SNX30: variants seen among roughly 807,000 people sequenced by gnomAD.
The protein encoded by SNX30 is sorting nexin family member 30.
Under a neutral mutation model 46.4 loss-of-function variants are expected in SNX30, and 24 were observed. The ratio of observed to expected loss-of-function variants is 0.52; its 90% CI spans 0.37 to 0.73. The LOEUF is 0.73. Among genes scored for constraint, SNX30 ranks in the 30% least tolerant of loss-of-function variants. The pLI is 0.00. For missense variants in SNX30, 533 were observed against 555.7 expected (o/e 0.96, Z 0.41); for synonymous variants, 189 against 211.5 (o/e 0.89, Z 0.92).
At chr9:112,784,802 C>T (rs1004095574) in intron 1 of SNX30, among the ~76,000 whole-genome samples, 1 of 152,218 alleles carries the variant, frequency 6.6e-6, no homozygotes, top group African/African-American at 2.4e-5. Flanking sequence ...TCAAACCTCC[C>T]TCTCTGAAGC....
intron 7 of SNX30, among the ~76,000 whole-genome samples, chr9:112,860,876 T>C (rs1841215706): frequency 1.3e-5 from 2 of 152,234 alleles, no homozygotes; most frequent in Admixed American, 1.3e-4. Context: ...TGATATGAGC[T>C]AACAAATGTT....
At chr9:112,812,637 A>G (rs770966325) in intron 2 of SNX30, among the ~76,000 whole-genome samples, 22 of 152,318 alleles carry the variant, frequency 1.4e-4, no homozygotes, top group South Asian at 8.3e-4. Flanking sequence ...TAAGTTCCCA[A>G]TGTCCTTAAA....
intron 3 of SNX30, among the ~76,000 whole-genome samples, chr9:112,822,367 GT>G (rs930236577): frequency 2.0e-5 from 3 of 151,644 alleles, no homozygotes; most frequent in Admixed American, 6.6e-5. Flanking sequence ...TTTTCCCTCT[GT>G]TTTTTTTAAA....
At chr9:112,859,797 G>A (rs1376542705) in intron 7 of SNX30, among the ~76,000 whole-genome samples, 1 of 151,816 alleles carries the variant, frequency 6.6e-6, no homozygotes, top group African/African-American at 2.4e-5. Context: ...GTGAGCCGCT[G>A]CACCTGGCCT....
intron 1 of SNX30, among the ~76,000 whole-genome samples, chr9:112,780,272 G>T (rs1839825120): frequency 6.6e-6 from 1 of 152,190 alleles, no homozygotes; most frequent in Admixed American, 6.5e-5. Flanking sequence ...AAGTCCCTTG[G>T]TTAAAAAGGG....
chr9:112,882,713 C>T (rs1227715312), downstream of SNX30, among the ~76,000 whole-genome samples: 3 of 152,100 alleles, frequency 2.0e-5, no homozygotes, highest in African/African-American at 4.8e-5. Flanking sequence ...GGACAGGTTT[C>T]TACCCTCGGT....
intron 7 of SNX30, among the ~76,000 whole-genome samples, chr9:112,857,240 C>G (rs982441703): frequency 2.0e-5 from 3 of 152,240 alleles, no homozygotes; most frequent in Admixed American, 6.5e-5. Context: ...TCCCCACTGA[C>G]CATTCTCTGA....
chr9:112,842,310 G>T (rs140354351), intron 6 of SNX30, among the ~76,000 whole-genome samples: 1 of 152,344 alleles, frequency 6.6e-6, no homozygotes, highest in Non-Finnish European at 1.5e-5. Context: ...TGGTTTTGGT[G>T]AGGAGTTACT....
At chr9:112,837,234 C>CT (rs2131457338) in intron 5 of SNX30, among the ~76,000 whole-genome samples, 1 of 151,548 alleles carries the variant, frequency 6.6e-6, no homozygotes, top group East Asian at 1.9e-4. Flanking sequence ...ATTTCTTGTA[C>CT]TTGTTCCCTC....
chr9:112,850,725 T>A (rs1262355748), intron 6 of SNX30, 134 bp from the exon 7 acceptor site: 5 of 620,388 alleles, frequency 8.1e-6, no homozygotes, highest in African/African-American at 1.8e-5. Context: ...GGCCAGACTG[T>A]CCTAGGAGCA....
chr9:112,834,865 C>A (rs199976594), intron 4 of SNX30, among the ~76,000 whole-genome samples: 110 of 90,002 alleles, frequency 1.2e-3, no homozygotes, highest in Non-Finnish European at 3.1e-3. Context: ...CACACACACA[C>A]ACACACACAC....
chr9:112,850,815 T>C (rs1457119990), intron 6 of SNX30, 44 bp from the exon 7 acceptor site: 1 of 1,474,686 alleles, frequency 6.8e-7, no homozygotes, highest in Non-Finnish European at 9.4e-7. Flanking sequence ...GGAGGCCCCT[T>C]TGTGGACTCA....
chr9:112,884,172 T>G (rs564263856), downstream of SNX30, among the ~76,000 whole-genome samples: 1 of 152,312 alleles, frequency 6.6e-6, no homozygotes, highest in Non-Finnish European at 1.5e-5. Context: ...CGGCTCACTT[T>G]GGTACCAGGA....
intron 1 of SNX30, among the ~76,000 whole-genome samples, chr9:112,764,902 G>C (rs149197861): frequency 8.5e-5 from 13 of 152,314 alleles, no homozygotes; most frequent in Admixed American, 3.9e-4. Flanking sequence ...CATCATCGAC[G>C]CAGGGGGAGT....
At chr9:112,775,403 C>G (rs1839728034) in intron 1 of SNX30, among the ~76,000 whole-genome samples, 1 of 152,092 alleles carries the variant, frequency 6.6e-6, no homozygotes, top group South Asian at 2.1e-4. Context: ...CCACCTTGGC[C>G]TCCCAAAGTG....
intron 1 of SNX30, among the ~76,000 whole-genome samples, chr9:112,792,469 G>T (rs1428667516): frequency 1.3e-5 from 2 of 152,110 alleles, no homozygotes; most frequent in African/African-American, 2.4e-5. Context: ...CCGTCGCCCA[G>T]CCTGGAGTAC....
At position 112,751,025 on chromosome 9, in the gene SNX30, C is replaced by T. The variant is rs1839266052; in HGVS notation, c.24C>T (p.Ala8=). ...CCATGGCGGGCGGGCCCCCCAAGGC[C>T]CTGCCGTCCACGGGGCCCCACTCCC... is the stretch of plus-strand genomic sequence containing the variant. MAGGPPK[A]LPSTGPHSLR... The change falls in exon 1 of 9, where the codon GCC becomes GCT. Residue 8 remains alanine (A), a synonymous_variant. Transcript: ENST00000374232. 1 of 1,426,892 alleles carries T rather than the reference C, an allele frequency of 7.0e-7. No homozygotes were observed. Among genetic ancestry groups the T allele is most frequent in the African/African-American group, 1.5e-5 (1 of 67,872 alleles). The allele number at this position is 1,426,892 out of a possible 1,614,324, so 88.4% of individuals were successfully genotyped here.
In SNX30 at chr9:112,750,988, G is replaced by C; in HGVS notation, c.-14G>C. On this transcript the variant is annotated 5_prime_UTR_variant, in exon 1 of 9. Coordinates refer to ENST00000374232, the MANE Select transcript of SNX30 (RefSeq NM_001012994.2). ...GGAGGAAGCGGCGGCGGCGCGTCCCGAGCGGTGCGCGCCATGGCGGGCGGG... is the reference window on the plus strand; with the variant it reads ...GGAGGAAGCGGCGGCGGCGCGTCCCCAGCGGTGCGCGCCATGGCGGGCGGG... 1 of 1,239,098 alleles carries C rather than the reference G, an allele frequency of 8.1e-7. No individual in the cohort carries two copies. The highest frequency in any genetic ancestry group is 1.0e-6 in the Non-Finnish European group (1 of 992,382). 76.8% of individuals were successfully genotyped at this position (1,239,098 alleles called of 1,614,324 possible).
intron 1 of SNX30, among the ~76,000 whole-genome samples, chr9:112,762,136 A>C (rs932845749): frequency 1.3e-5 from 2 of 152,180 alleles, no homozygotes; most frequent in African/African-American, 4.8e-5. Context: ...TAGAGGACTC[A>C]TATGCTGTCT....
Sources: allele counts gnomAD v4.1 joint callset (sites outside exome capture counted in the v4.1 genomes callset), GRCh38; gene constraint gnomAD v4.1.1; transcripts MANE v1.5; gene names NCBI Gene and HGNC (gene_info 2026-07-23, HGNC 2026-07-21).